Variants in PLXDC1 observed in about 807,000 individuals in gnomAD.
PLXDC1 encodes the protein plexin domain containing 1, also known as plexin domain-containing protein 1.
Under a neutral mutation model 61.3 loss-of-function variants are expected in PLXDC1, and 39 were observed. That is an observed-to-expected ratio of 0.64 (90% CI 0.49 to 0.83). PLXDC1 has a LOEUF of 0.83. Ranked by LOEUF, PLXDC1 falls within the 40% of genes least tolerant of loss-of-function variation. PLXDC1 has a pLI of 0.00. For missense variants in PLXDC1, 596 were observed against 666.5 expected, an observed-to-expected ratio of 0.89 and a Z score of 1.17; for synonymous variants, 212 against 254.5, an observed-to-expected ratio of 0.83 and a Z score of 1.59.
intron 5 of PLXDC1, 145 bp from the exon 6 acceptor site, chr17:39,107,670 G>A (rs1380894744): frequency 1.4e-6 from 1 of 706,578 alleles, no homozygotes. Context: ...GGCAGGAGCT[G>A]GGCAGCTCAC....
intron 2 of PLXDC1, among the ~76,000 whole-genome samples, chr17:39,135,760 C>T (rs184215844): frequency 1.3e-4 from 19 of 151,650 alleles, no homozygotes; most frequent in African/African-American, 4.4e-4. Flanking sequence ...GCCAGGAACA[C>T]ATGGGGAACT....
At chr17:39,105,567 T>C (rs1333074523) in intron 7 of PLXDC1, among the ~76,000 whole-genome samples, 2 of 152,146 alleles carry the variant, frequency 1.3e-5, no homozygotes, top group African/African-American at 2.4e-5. Context: ...TAGGGCATCT[T>C]TGGAGGTTTT....
At chr17:39,100,209 C>T (rs913918689) in intron 7 of PLXDC1, among the ~76,000 whole-genome samples, 1 of 152,164 alleles carries the variant, frequency 6.6e-6, no homozygotes, top group Non-Finnish European at 1.5e-5. Flanking sequence ...CACCCCATCA[C>T]GGGGGTAACT....
At chr17:39,090,608 A>G (rs1219975409) in intron 7 of PLXDC1, among the ~76,000 whole-genome samples, 1 of 152,182 alleles carries the variant, frequency 6.6e-6, no homozygotes, top group Non-Finnish European at 1.5e-5. Flanking sequence ...GCATCCACAC[A>G]TGGGGCTGGT....
chr17:39,071,207 C>G (rs1020115061), intron 12 of PLXDC1, among the ~76,000 whole-genome samples: 1 of 152,126 alleles, frequency 6.6e-6, no homozygotes, highest in African/African-American at 2.4e-5. Flanking sequence ...AGTGATTTCC[C>G]CACAGACACA....
At chr17:39,070,114 C>T (rs1280640297) in intron 12 of PLXDC1, 98 bp from the exon 13 acceptor site, 19 of 866,018 alleles carry the variant, frequency 2.2e-5, no homozygotes, top group Middle Eastern at 2.3e-4. Context: ...AGATGAAAGC[C>T]GACAGAGCCT....
intron 7 of PLXDC1, among the ~76,000 whole-genome samples, chr17:39,095,117 G>A (rs1257335236): frequency 6.6e-6 from 1 of 152,088 alleles, no homozygotes. Context: ...CCCACCATCC[G>A]GGCTGGGGGG....
chr17:39,152,665 G>A (rs1039729640), upstream of PLXDC1: 120 of 1,236,598 alleles, frequency 9.7e-5, no homozygotes, highest in African/African-American at 1.5e-3. Context: ...GGAAGGGTGC[G>A]AACGCTGAGC....
At chr17:39,106,220 A>G (rs375696440) in intron 6 of PLXDC1, among the ~76,000 whole-genome samples, 1 of 149,104 alleles carries the variant, frequency 6.7e-6, no homozygotes, top group African/African-American at 2.5e-5. Flanking sequence ...CCTTTCTTTC[A>G]TTTCTTCCCT....
intron 11 of PLXDC1, among the ~76,000 whole-genome samples, chr17:39,076,193 G>A (rs911698410): frequency 6.6e-6 from 1 of 151,432 alleles, no homozygotes; most frequent in African/African-American, 2.4e-5. Context: ...GCCCCTTTAC[G>A]AGCCTCTTTC....
chr17:39,071,001 G>C (rs1231650187), intron 12 of PLXDC1, among the ~76,000 whole-genome samples: 1 of 152,062 alleles, frequency 6.6e-6, no homozygotes, highest in African/African-American at 2.4e-5. Flanking sequence ...CAACAAAACT[G>C]GCAGGCCCGT....
Position 39,105,904 on chromosome 17 carries a change from G to T in PLXDC1, c.761C>A (p.Thr254Asn). Residue 254 changes from threonine (T) to asparagine (N), a missense_variant, in exon 7 of 14, where the codon ACC becomes AAC. Coordinates refer to ENST00000315392, the MANE Select transcript of PLXDC1 (RefSeq NM_020405.5). ...EISSSQHPVK[T>N]GLSDAFMILN... ...AATCATGAAGGCATCCGATAGGCCG[G>T]TTTTGACAGGATGCTGGGAGGAGCT... 6.2e-7 allele frequency: 1 copy of T among 1,614,074 alleles called. No individual in the cohort carries two copies. Among genetic ancestry groups the T allele is most frequent in the Non-Finnish European group, 8.5e-7 (1 of 1,179,934 alleles).
chr17:39,103,369 A>G (rs1910490826), intron 7 of PLXDC1, among the ~76,000 whole-genome samples: 1 of 151,914 alleles, frequency 6.6e-6, no homozygotes, highest in Admixed American at 6.6e-5. Context: ...AACCCTGTCC[A>G]TCTCTCCAAA....
At chr17:39,133,095 G>T (rs890060213) in intron 2 of PLXDC1, among the ~76,000 whole-genome samples, 1 of 152,146 alleles carries the variant, frequency 6.6e-6, no homozygotes, top group Non-Finnish European at 1.5e-5. Context: ...CCACAGTGAT[G>T]CTGAGCTGTC....
At chr17:39,096,957 A>G (rs1243975771) in intron 7 of PLXDC1, 2 of 471,336 alleles carry the variant, frequency 4.2e-6, no homozygotes, top group Admixed American at 4.7e-5. Flanking sequence ...GATGCTTTGC[A>G]GACTCTGCTG....
At chr17:39,140,163 G>A (rs1010413063) in intron 1 of PLXDC1, among the ~76,000 whole-genome samples, 2 of 152,220 alleles carry the variant, frequency 1.3e-5, no homozygotes, top group Admixed American at 6.5e-5. Flanking sequence ...AACCCAAGCT[G>A]ATCTGCCTCC....
chr17:39,079,219 C>T, intron 9 of PLXDC1, 55 bp from the exon 10 acceptor site: 2 of 1,465,118 alleles, frequency 1.4e-6, no homozygotes, highest in Non-Finnish European at 1.9e-6. Flanking sequence ...GAAGCCTTCC[C>T]CTTTCACTGT....
chr17:39,151,249 A>T lies in PLXDC1; in HGVS notation c.76+113T>A. On this transcript the variant is annotated intron_variant, in intron 1 of 13. Coordinates refer to ENST00000315392, the MANE Select transcript of PLXDC1 (RefSeq NM_020405.5). This position sits in a 1 kb window ranked among gnomAD's most constrained non-coding sequence, Gnocchi z 5.2. ...CCACAGCTCTCCTGGCCTCCTGCGGACAATGCCCCCCTCGCGGACATCGCC... is the reference window on the plus strand; with the variant it reads ...CCACAGCTCTCCTGGCCTCCTGCGGTCAATGCCCCCCTCGCGGACATCGCC... The T allele has an allele frequency of 1.3e-6, 1 of 782,940 alleles. No homozygotes were observed. The highest frequency in any genetic ancestry group is 5.6e-5 in the South Asian group (1 of 17,802). The allele number at this position is 782,940 out of a possible 1,614,324, so 48.5% of individuals were successfully genotyped here. A position where few individuals can be genotyped will look rare whatever the true frequency, so the allele number is the denominator to read the frequency against.
At chr17:39,142,195 C>G (rs544535200) in intron 1 of PLXDC1, among the ~76,000 whole-genome samples, 57 of 152,290 alleles carry the variant, frequency 3.7e-4, no homozygotes, top group African/African-American at 1.1e-3. Context: ...AATTAACCCC[C>G]CCTTGCCCCA....
Sources: gnomAD v4.1 joint callset for allele counts (sites outside exome capture counted in the v4.1 genomes callset) on GRCh38, gnomAD v4.1.1 for gene constraint, Gnocchi (gnomAD v3.1) non-coding constraint, MANE v1.5 for transcripts, NCBI Gene and HGNC (gene_info 2026-07-23, HGNC 2026-07-21) for gene names.